The following DPF3 variants were observed in gnomAD, a reference collection of about 807,000 sequenced individuals.
The protein encoded by DPF3 is zinc finger protein DPF3.
DPF3 carries 18 observed loss-of-function variants against 56.8 expected under a neutral mutation model. The ratio of observed to expected loss-of-function variants is 0.32; its 90% CI spans 0.22 to 0.47. The LOEUF (loss-of-function observed/expected upper bound fraction) is 0.47. Among genes scored for constraint, DPF3 ranks in the 20% least tolerant of loss-of-function variants. The probability of loss-of-function intolerance (pLI) is 1.00; values close to 1 mark genes in which losing one functional copy is unlikely to be tolerated. For synonymous variants in DPF3, 188 were observed against 180.2 expected, an observed-to-expected ratio of 1.04 and a Z score of -0.35; for missense variants, 403 against 488.8, an observed-to-expected ratio of 0.82 and a Z score of 1.65.
chr14:72,841,582 GA>G lies in DPF3; in HGVS notation c.32+52474del, dbSNP rs1004762703. Reference sequence around the variant, plus strand: ...ATAGTGATTTATTTGGTCTATTCTTGAAAAAAAATGAGAAATTTTGGGAAAA... The same window carrying G: ...ATAGTGATTTATTTGGTCTATTCTTGAAAAAAATGAGAAATTTTGGGAAAA... On this transcript the variant is annotated intron_variant, in intron 1 of 10. Transcript: ENST00000556509. Among the ~76,000 whole-genome samples, 60 of 151,584 alleles carry G rather than the reference GA, an allele frequency of 4.0e-4. 1 individual carries two copies. The highest frequency in any genetic ancestry group is 3.9e-3 in the Admixed American group (59 of 15,234).
At chr14:72,797,227 G>T (rs749805301) in intron 1 of DPF3, among the ~76,000 whole-genome samples, 3 of 152,150 alleles carry the variant, frequency 2.0e-5, no homozygotes, top group African/African-American at 4.8e-5. Flanking sequence ...ACACAAACAA[G>T]CTATCCTAGA....
At chr14:72,661,901 C>G (rs1469529529) in intron 8 of DPF3, 1 of 949,240 alleles carries the variant, frequency 1.1e-6, no homozygotes, top group Non-Finnish European at 1.2e-6. Flanking sequence ...ACAAAGCTCT[C>G]TGTGTTCGAA....
At chr14:72,694,033 T>C (rs1887807098) in intron 6 of DPF3, among the ~76,000 whole-genome samples, 1 of 152,174 alleles carries the variant, frequency 6.6e-6, no homozygotes, top group Non-Finnish European at 1.5e-5. Flanking sequence ...ATGGGGCAGT[T>C]TGAGCCAAGG....
chr14:72,665,209 A>G (rs1008269275), intron 8 of DPF3, among the ~76,000 whole-genome samples: 1 of 152,156 alleles, frequency 6.6e-6, no homozygotes, highest in African/African-American at 2.4e-5. Context: ...GATTTTAACT[A>G]TTTGTGAATT....
intron 1 of DPF3, among the ~76,000 whole-genome samples, chr14:72,804,391 C>A (rs1216204152): frequency 6.6e-6 from 1 of 152,180 alleles, no homozygotes. Context: ...TATGTGAACA[C>A]TGGAATACTG....
intron 8 of DPF3, 33 bp downstream of exon 8, chr14:72,674,207 C>T (rs143175060): frequency 3.0e-5 from 48 of 1,600,228 alleles, no homozygotes; most frequent in African/African-American, 1.9e-4. Flanking sequence ...TCCTGGTCTA[C>T]GGGCACCCGG....
chr14:72,714,798 C>T (rs747033742), intron 5 of DPF3, among the ~76,000 whole-genome samples: 32 of 151,768 alleles, frequency 2.1e-4, no homozygotes, highest in Non-Finnish European at 3.7e-4. Flanking sequence ...GTAGCTTGCC[C>T]AAGGTCGTTC....
chr14:72,702,361 T>C (rs1262587991), intron 6 of DPF3, among the ~76,000 whole-genome samples: 1 of 152,032 alleles, frequency 6.6e-6, no homozygotes, highest in South Asian at 2.1e-4. Context: ...CCTCCAAGAC[T>C]CCAGTCCTGC....
intron 8 of DPF3, among the ~76,000 whole-genome samples, chr14:72,649,488 G>A (rs1885831760): frequency 6.6e-6 from 1 of 152,168 alleles, no homozygotes; most frequent in Non-Finnish European, 1.5e-5. Flanking sequence ...AGAGGAAGAA[G>A]GAAGGAGACA....
chr14:72,702,268 G>A (rs80108782), intron 6 of DPF3, among the ~76,000 whole-genome samples: 6 of 150,700 alleles, frequency 4.0e-5, no homozygotes, highest in South Asian at 2.1e-4. Context: ...GCAGGAGAAC[G>A]GAGGGTGGGA....
intron 1 of DPF3, among the ~76,000 whole-genome samples, chr14:72,792,812 C>T (rs1410706725): frequency 6.6e-6 from 1 of 152,150 alleles, no homozygotes; most frequent in Non-Finnish European, 1.5e-5. Flanking sequence ...ACCTCTCTCC[C>T]TCAACCCCTC....
intron 1 of DPF3, among the ~76,000 whole-genome samples, chr14:72,827,917 A>T (rs1341090680): frequency 6.6e-6 from 1 of 152,148 alleles, no homozygotes; most frequent in Non-Finnish European, 1.5e-5. Flanking sequence ...ACACCACTGC[A>T]TTCTAGCCTG....
chr14:72,857,880 C>A (rs1038165503), intron 1 of DPF3, among the ~76,000 whole-genome samples: 2 of 152,180 alleles, frequency 1.3e-5, no homozygotes, highest in Admixed American at 1.3e-4. Context: ...AGCCACCACG[C>A]CTGGCCTGCA....
In DPF3 at chr14:72,731,943, CA is replaced by C; in HGVS notation, c.302-10del. On this transcript the variant is annotated splice_polypyrimidine_tract_variant and intron_variant, in intron 3 of 10. Coordinates refer to ENST00000556509, the MANE Select transcript of DPF3 (RefSeq NM_001280542.3). ...CAGGGGAAGCTCCACTTCTGAAAAA[CA>C]AAGATAGAAAGGCAGGTCAGGCCAC... The C allele has an allele frequency of 6.4e-7, 1 of 1,572,358 alleles. No homozygotes were observed. The highest frequency in any genetic ancestry group is 8.6e-7 in the Non-Finnish European group (1 of 1,158,840).
chr14:72,798,151 G>A (rs1424430128), intron 1 of DPF3, among the ~76,000 whole-genome samples: 8 of 150,730 alleles, frequency 5.3e-5, no homozygotes, highest in East Asian at 2.0e-4. Flanking sequence ...CTACTCAGGA[G>A]GCTGAGGCAG....
chr14:72,744,195 G>A (rs1890240341), intron 3 of DPF3, among the ~76,000 whole-genome samples: 1 of 152,192 alleles, frequency 6.6e-6, no homozygotes, highest in Admixed American at 6.5e-5. Flanking sequence ...CTGAAGGGGT[G>A]AGGACAGCAG....
intron 1 of DPF3, chr14:72,836,495 C>T: frequency 1.0e-6 from 1 of 985,440 alleles, no homozygotes; most frequent in Non-Finnish European, 1.2e-6. Context: ...CTAGGTCTTC[C>T]CTTGGGGTTC....
At chr14:72,793,982 C>T (rs1304540411) in intron 1 of DPF3, among the ~76,000 whole-genome samples, 1 of 152,180 alleles carries the variant, frequency 6.6e-6, no homozygotes, top group Non-Finnish European at 1.5e-5. Context: ...TAACATTCAT[C>T]CAGTCAGGCA....
chr14:72,691,866 C>T (rs1205557447), intron 7 of DPF3, among the ~76,000 whole-genome samples: 40 of 152,148 alleles, frequency 2.6e-4, no homozygotes, highest in Admixed American at 2.5e-3. Flanking sequence ...CTGCCAGCAC[C>T]GTGACCTTGG....
Sources: allele counts gnomAD v4.1 joint callset (sites outside exome capture counted in the v4.1 genomes callset), GRCh38; gene constraint gnomAD v4.1.1; transcripts MANE v1.5; gene names NCBI Gene and HGNC (gene_info 2026-07-23, HGNC 2026-07-21).